B4GALNT3: variants seen among roughly 807,000 people sequenced by gnomAD.
B4GALNT3 encodes the protein beta-1,4-N-acetyl-galactosaminyltransferase 3.
In B4GALNT3, 86 loss-of-function variants were observed where a neutral mutation model predicts 120.2. That is an observed-to-expected ratio of 0.72 (90% CI 0.60 to 0.86). B4GALNT3 has a LOEUF of 0.86. Among genes scored for constraint, B4GALNT3 ranks in the 40% least tolerant of loss-of-function variants. The pLI is 0.00. For missense variants in B4GALNT3, 1,167 were observed against 1,298.9 expected (o/e 0.90, Z 1.56); for synonymous variants, 518 against 510.4 (o/e 1.01, Z -0.20).
chr12:537,587 G>A (rs1268993725), intron 3 of B4GALNT3, among the ~76,000 whole-genome samples: 2 of 152,174 alleles, frequency 1.3e-5, no homozygotes, highest in Admixed American at 6.5e-5. Context: ...TGAAGAAACT[G>A]AGGCTCAAGG....
Position 496,655 on chromosome 12 carries a change from T to G in B4GALNT3, c.169+36110T>G, listed in dbSNP as rs374428485. Among the ~76,000 whole-genome samples the G allele has an allele frequency of 4.0e-4, 61 of 152,230 alleles. 1 individual carries two copies. The South Asian group carries it at 0.012, about 31-fold the overall frequency. On this transcript the variant is annotated intron_variant, in intron 1 of 19. Transcript: ENST00000266383. ...AGCGGCATTTAGTACATATACAATG[T>G]TGTACCACCGTCACCTCTGTCTAGT...
intron 1 of B4GALNT3, among the ~76,000 whole-genome samples, chr12:514,198 G>GTTT (rs56697824): frequency 3.4e-5 from 4 of 117,850 alleles, no homozygotes; most frequent in African/African-American, 3.5e-5. Context: ...GTCCGTTTTT[G>GTTT]TTTTTTTTTT....
chr12:544,327 T>C lies in B4GALNT3; in HGVS notation c.352-12T>C, dbSNP rs1565607557. The C allele has an allele frequency of 1.2e-6, 2 of 1,612,710 alleles. No individual in the cohort carries two copies. The highest frequency in any genetic ancestry group is 2.2e-5 in the East Asian group (1 of 44,886). On this transcript the variant is annotated splice_polypyrimidine_tract_variant and intron_variant, in intron 3 of 19. Coordinates refer to ENST00000266383, the MANE Select transcript of B4GALNT3 (RefSeq NM_173593.4). ...CTCACGCTCACTCACCACTGGCGTCTCCGCCCTGCAGTTCCGGGGCCGTGC... is the reference window on the plus strand; with the variant it reads ...CTCACGCTCACTCACCACTGGCGTCCCCGCCCTGCAGTTCCGGGGCCGTGC...
At position 545,753 on chromosome 12, in the gene B4GALNT3, TGAGGAGTGGGGAGGTGA is replaced by T. The variant is rs1565608196; in HGVS notation, c.639+300_639+316del. Reference sequence around the variant, plus strand: ...GGGAGGAGCGAGGAGTGGGGAGGAGTGAGGAGTGGGGAGGTGAGAGGAGTGGGGAGGTAAGAGGAATG... The same window carrying T: ...GGGAGGAGCGAGGAGTGGGGAGGAGTGAGGAGTGGGGAGGTAAGAGGAATG... On this transcript the variant is annotated intron_variant, in intron 6 of 19. Transcript: ENST00000266383. Among the ~76,000 whole-genome samples, 27 of 28,592 alleles carry T rather than the reference TGAGGAGTGGGGAGGTGA, an allele frequency of 9.4e-4. 1 individual carries two copies. The highest frequency in any genetic ancestry group is 3.6e-3 in the African/African-American group (23 of 6,436). The allele number at this position is 28,592 out of a possible 152,430, so 18.8% of individuals were successfully genotyped here.
rs1479500493 is a variant in B4GALNT3 at position 512,703 on chromosome 12, C to T, written c.170-22463C>T. On this transcript the variant is annotated intron_variant, in intron 1 of 19. Transcript: ENST00000266383. ...CACCTTCGATCTTCCTTCCACCTTC[C>T]GCCTTCCACCTTCCACCTTCCACCT... Among the ~76,000 whole-genome samples, 5 of 133,168 alleles carry T rather than the reference C, an allele frequency of 3.8e-5. 1 individual carries two copies. Among genetic ancestry groups the T allele is most frequent in the Non-Finnish European group, 6.4e-5 (4 of 62,102 alleles). The allele number at this position is 133,168 out of a possible 152,430, so 87.4% of individuals were successfully genotyped here.
In B4GALNT3 at chr12:550,773, C is replaced by A; in HGVS notation, c.998-149C>A. On this transcript the variant is annotated intron_variant, in intron 10 of 19. Coordinates refer to ENST00000266383, the MANE Select transcript of B4GALNT3 (RefSeq NM_173593.4). The surrounding 1 kb of genome is among the most constrained non-coding windows in gnomAD (Gnocchi z 4.1). Reference sequence around the variant, plus strand: ...ATGGCCCTGCTCCAGGTGCGTGGGGCAGCCTCCAGCTGGCAGCCTCAGCCA... The same window carrying A: ...ATGGCCCTGCTCCAGGTGCGTGGGGAAGCCTCCAGCTGGCAGCCTCAGCCA... 1.6e-6 allele frequency: 1 copy of A among 636,936 alleles called. No homozygotes were observed. The highest frequency in any genetic ancestry group is 2.7e-6 in the Non-Finnish European group (1 of 365,204). The allele number at this position is 636,936 out of a possible 1,614,324, so 39.5% of individuals were successfully genotyped here.
At chr12:496,850 C>G (rs970917703) in intron 1 of B4GALNT3, among the ~76,000 whole-genome samples, 30 of 152,300 alleles carry the variant, frequency 2.0e-4, no homozygotes, top group African/African-American at 7.2e-4. Context: ...CAAAATTCAT[C>G]CATGTGTAGC....
intron 3 of B4GALNT3, chr12:540,489 G>A (rs1946903074): frequency 6.6e-6 from 1 of 152,232 alleles, no homozygotes; most frequent in South Asian, 2.1e-4. Context: ...GAGCTTTGAA[G>A]GATGAGCAGG....
At chr12:482,981 C>T (rs920070020) in intron 1 of B4GALNT3, among the ~76,000 whole-genome samples, 1 of 152,150 alleles carries the variant, frequency 6.6e-6, no homozygotes, top group African/African-American at 2.4e-5. Context: ...GATCATGGCT[C>T]ACTGCAGCCT....
chr12:512,863 C>T (rs1263033097), intron 1 of B4GALNT3, among the ~76,000 whole-genome samples: 1 of 150,158 alleles, frequency 6.7e-6, no homozygotes, highest in Non-Finnish European at 1.5e-5. Flanking sequence ...CACCTTCCTT[C>T]CACCTTCCAC....
At chr12:471,654 C>T (rs562964073) in intron 1 of B4GALNT3, among the ~76,000 whole-genome samples, 57 of 151,718 alleles carry the variant, frequency 3.8e-4, no homozygotes, top group South Asian at 3.7e-3. Context: ...TTGCAGTGAG[C>T]CAAGATTATG....
chr12:543,574 A>G (rs75499230), intron 3 of B4GALNT3, among the ~76,000 whole-genome samples: 11 of 77,740 alleles, frequency 1.4e-4, no homozygotes, highest in African/African-American at 2.8e-4. Context: ...AGGAGCTGGG[A>G]TGGGCATGGG....
At chr12:488,180 T>G (rs1479626415) in intron 1 of B4GALNT3, among the ~76,000 whole-genome samples, 2 of 151,112 alleles carry the variant, frequency 1.3e-5, no homozygotes, top group East Asian at 3.9e-4. Flanking sequence ...CAACCTAGAA[T>G]TCTGAACCCT....
At chr12:557,558 C>T (rs771556288) in intron 15 of B4GALNT3, 50 bp from the exon 16 acceptor site, 2 of 1,571,230 alleles carry the variant, frequency 1.3e-6, no homozygotes, top group African/African-American at 1.4e-5. Context: ...CTCATCCGCT[C>T]ATCTTTGCCT....
chr12:461,762 TG>T (rs1238637339), intron 1 of B4GALNT3, among the ~76,000 whole-genome samples: 1 of 152,218 alleles, frequency 6.6e-6, no homozygotes, highest in Non-Finnish European at 1.5e-5. Flanking sequence ...GTCGCTGAGC[TG>T]GTTCAGGTTG....
At chr12:512,136 C>G (rs1343257696) in intron 1 of B4GALNT3, among the ~76,000 whole-genome samples, 10 of 121,234 alleles carry the variant, frequency 8.2e-5, no homozygotes, top group East Asian at 7.7e-4. Context: ...TTCCACCTTC[C>G]ACCTTCCACC....
chr12:546,213 G>GGAGGGGGTGTGGGAGGAGGGAGGA (rs146902243), intron 6 of B4GALNT3, among the ~76,000 whole-genome samples: 101 of 112,028 alleles, frequency 9.0e-4, no homozygotes, highest in African/African-American at 3.6e-3. Context: ...AGAGGAGGGA[G>GGAGGGGGTGTGGGAGGAGGGAGGA]GGGGGTGTGG....
Position 480,352 on chromosome 12 carries a change from A to G in B4GALNT3, c.169+19807A>G, listed in dbSNP as rs538443047. Among the ~76,000 whole-genome samples, 32 of 121,232 alleles carry G rather than the reference A, an allele frequency of 2.6e-4. No homozygotes were observed. In the South Asian group the frequency reaches 8.6e-3, roughly 32 times the overall value. 79.5% of individuals were successfully genotyped at this position (121,232 alleles called of 152,430 possible). A position where few individuals can be genotyped will look rare whatever the true frequency, so the allele number is the denominator to read the frequency against. On this transcript the variant is annotated intron_variant, in intron 1 of 19. Transcript: ENST00000266383. ...GGGGTCCAGTCTTGGTTCTGTGGGA[A>G]CTGGCTCTGTGACTTTGAGCAGGTC...
Position 547,978 on chromosome 12 carries a change from G to C in B4GALNT3, c.708-46G>C, listed in dbSNP as rs1470334357. 2.6e-6 allele frequency: 4 copies of C among 1,550,394 alleles called. No homozygotes were observed. In the East Asian group the frequency reaches 9.0e-5, roughly 35 times the overall value. On this transcript the variant is annotated intron_variant, in intron 7 of 19. Transcript: ENST00000266383. Reference sequence around the variant, plus strand: ...GGGTGGGACAGAGCCGCGACCCCAGGGCCCATGGAGATGGCGCTCTGCTTC... The same window carrying C: ...GGGTGGGACAGAGCCGCGACCCCAGCGCCCATGGAGATGGCGCTCTGCTTC...
Sources: allele counts gnomAD v4.1 joint callset (sites outside exome capture counted in the v4.1 genomes callset), GRCh38; gene constraint gnomAD v4.1.1; non-coding constraint Gnocchi (gnomAD v3.1); transcripts MANE v1.5; gene names NCBI Gene and HGNC (gene_info 2026-07-23, HGNC 2026-07-21).